The following FANCB variants were observed in gnomAD, a reference collection of about 807,000 sequenced individuals.
FANCB encodes the protein FA complementation group B.
FANCB carries 5 observed loss-of-function variants against 38.9 expected under a neutral mutation model. That is an observed-to-expected ratio of 0.13 (90% CI 0.07 to 0.27). The LOEUF is 0.27. Among genes scored for constraint, FANCB ranks in the 10% least tolerant of loss-of-function variants. FANCB has a pLI of 1.00. For missense variants in FANCB, 573 were observed against 602.7 expected (o/e 0.95, Z 0.52); for synonymous variants, 236 against 215.4 (o/e 1.10, Z -0.84).
At chrX:14,705,455 G>T in the FANCB span, among the ~76,000 whole-genome samples, 1 of 111,983 alleles carries the variant, frequency 8.9e-6, no homozygotes, top group African/African-American at 3.2e-5. Context: ...CAGTGCACAG[G>T]ATGGTGCCCA....
the FANCB span, among the ~76,000 whole-genome samples, chrX:14,743,788 C>T: frequency 9.0e-6 from 1 of 111,098 alleles, no homozygotes; most frequent in African/African-American, 3.3e-5. Context: ...AAGAACTCTT[C>T]CTTGCCTTTT....
Position 14,850,656 on chromosome X carries a change from G to C in FANCB, c.1345C>G (p.Leu449Val), listed in dbSNP as rs781260236. ...SAEEKECLVP[L>V]CGEEENSVHI... ...ACAGAATTTTCTTCTTCACCACAAA[G>C]AGGAACAAGACATTCCTTCTAAAAA... Residue 449 changes from leucine (L) to valine (V), a missense_variant, in exon 7 of 10, where the codon CTT becomes GTT. Leu to Val is a conservative substitution (Grantham distance 32, BLOSUM62 1). Coordinates refer to ENST00000650831, the MANE Select transcript of FANCB (RefSeq NM_001018113.3). The C allele has an allele frequency of 3.4e-6, 4 of 1,161,334 alleles. No individual in the cohort carries two copies. The highest frequency in any genetic ancestry group is 1.8e-5 in the African/African-American group (1 of 54,483).
rs1060501875 is a variant in FANCB, at chrX:14,844,543, G to C, written c.2125C>G (p.Gln709Glu). ...AAAATCCCTTCGAATGGTGTTCTCT[G>C]TTTCCAAGTGAAGAGTGTCCCATAG... Reference protein sequence around the residue: ...SFYGTLFTWKQRTPFEGILII... With the variant: ...SFYGTLFTWKERTPFEGILII... The change falls in exon 9 of 10, where the codon CAG (glutamine) becomes GAG (glutamate). Residue 709 changes from glutamine to glutamate, a missense_variant. Coordinates refer to ENST00000650831, the MANE Select transcript of FANCB (RefSeq NM_001018113.3). 1.7e-6 allele frequency: 2 copies of C among 1,206,660 alleles called. No individual in the cohort carries two copies.
At chrX:14,808,923 A>G in the FANCB span, among the ~76,000 whole-genome samples, 480 of 112,537 alleles carry the variant, frequency 4.3e-3, 7 homozygotes, top group Admixed American at 0.038. Flanking sequence ...ACAGTGAACA[A>G]TCTGAAAAAG....
chrX:14,771,768 G>A, the FANCB span, among the ~76,000 whole-genome samples: 18 of 111,870 alleles, frequency 1.6e-4, no homozygotes, highest in African/African-American at 5.9e-4. Flanking sequence ...TCATCTTTGT[G>A]GGGTTATCTA....
the FANCB span, among the ~76,000 whole-genome samples, chrX:14,793,964 T>C: frequency 1.2e-4 from 13 of 110,745 alleles, no homozygotes; most frequent in East Asian, 3.4e-3. Context: ...ACAACGTGAG[T>C]TTAGGCCAGA....
the FANCB span, among the ~76,000 whole-genome samples, chrX:14,724,757 A>G: frequency 9.0e-6 from 1 of 111,139 alleles, no homozygotes; most frequent in Non-Finnish European, 1.9e-5. Context: ...ATACATTGAC[A>G]TGTTTTTCTT....
At chrX:14,720,140 CAATA>C in the FANCB span, among the ~76,000 whole-genome samples, 2 of 110,548 alleles carry the variant, frequency 1.8e-5, no homozygotes, top group African/African-American at 6.6e-5. Flanking sequence ...CTACAGTAAA[CAATA>C]ATTTATTGTA....
the FANCB span, among the ~76,000 whole-genome samples, chrX:14,824,237 AAC>A: frequency 3.6e-5 from 4 of 111,886 alleles, no homozygotes; most frequent in Non-Finnish European, 7.5e-5. Context: ...GGGACCTCCA[AAC>A]ACACATTTGG....
At chrX:14,799,639 C>T in the FANCB span, among the ~76,000 whole-genome samples, 465 of 111,493 alleles carry the variant, frequency 4.2e-3, 1 homozygote, top group African/African-American at 0.014. Flanking sequence ...GTAATATAGA[C>T]GTTAAAGGTG....
the FANCB span, among the ~76,000 whole-genome samples, chrX:14,808,362 G>A: frequency 9.9e-5 from 11 of 111,244 alleles, no homozygotes; most frequent in Non-Finnish European, 2.1e-4. Flanking sequence ...AAAATCATTC[G>A]TGATGACCAA....
chrX:14,723,368 T>C, the FANCB span, among the ~76,000 whole-genome samples: 1 of 112,160 alleles, frequency 8.9e-6, no homozygotes, highest in Admixed American at 9.4e-5. Context: ...TCTCTACCTA[T>C]ACCACCACCC....
chrX:14,852,260 C>T (rs891806272), intron 6 of FANCB, among the ~76,000 whole-genome samples: 1 of 108,533 alleles, frequency 9.2e-6, no homozygotes, highest in Non-Finnish European at 1.9e-5. Context: ...CCTCCGCCTC[C>T]CAGGTTCAAG....
At chrX:14,701,450 C>G in the FANCB span, among the ~76,000 whole-genome samples, 1 of 111,517 alleles carries the variant, frequency 9.0e-6, no homozygotes, top group Non-Finnish European at 1.9e-5. Context: ...TAGCACCCCT[C>G]TGTGTATGGA....
the FANCB span, among the ~76,000 whole-genome samples, chrX:14,695,908 G>A: frequency 9.0e-6 from 1 of 111,008 alleles, no homozygotes; most frequent in Non-Finnish European, 1.9e-5. Context: ...AGAATGCTGA[G>A]GCAGAGGCAG....
At chrX:14,754,376 C>T in the FANCB span, among the ~76,000 whole-genome samples, 31 of 112,235 alleles carry the variant, frequency 2.8e-4, no homozygotes, top group Non-Finnish European at 5.3e-4. Context: ...TAACAAGTAA[C>T]GAGACTGAAT....
At chrX:14,817,270 T>C in the FANCB span, among the ~76,000 whole-genome samples, 5 of 111,515 alleles carry the variant, frequency 4.5e-5, no homozygotes, top group South Asian at 3.8e-4. Context: ...CCCCCCAAGG[T>C]TATTAAGATG....
At chrX:14,708,623 CAGCACACAGCTGGGAGAAAA>C in the FANCB span, among the ~76,000 whole-genome samples, 34 of 111,662 alleles carry the variant, frequency 3.0e-4, no homozygotes, top group Non-Finnish European at 4.1e-4. Flanking sequence ...CCCAATTATA[CAGCACACAGCTGGGAGAAAA>C]GAGAGACATC....
downstream of FANCB, among the ~76,000 whole-genome samples, chrX:14,834,185 C>T (rs1431375098): frequency 3.6e-5 from 4 of 111,256 alleles, no homozygotes; most frequent in Non-Finnish European, 1.9e-5. Context: ...TTTTATTTCA[C>T]ATGTATATTT....
Sources: gnomAD v4.1 joint callset for allele counts (sites outside exome capture counted in the v4.1 genomes callset) on GRCh38, gnomAD v4.1.1 for gene constraint, MANE v1.5 for transcripts, NCBI Gene and HGNC (gene_info 2026-07-23, HGNC 2026-07-21) for gene names.